The following PTPRM variants were observed in gnomAD, a reference collection of about 807,000 sequenced individuals.
PTPRM encodes the protein receptor-type tyrosine-protein phosphatase mu.
A neutral mutation model predicts 186.7 loss-of-function variants in PTPRM; 47 were observed. The ratio of observed to expected loss-of-function variants is 0.25; its 90% CI spans 0.20 to 0.32. The LOEUF (loss-of-function observed/expected upper bound fraction) is 0.32. Among genes scored for constraint, PTPRM ranks in the 10% least tolerant of loss-of-function variants. The probability of loss-of-function intolerance (pLI) is 1.00; values close to 1 mark genes in which losing one functional copy is unlikely to be tolerated. For missense variants in PTPRM, 1,494 were observed against 1,865.0 expected, an observed-to-expected ratio of 0.80 and a Z score of 3.66; for synonymous variants, 668 against 674.9, an observed-to-expected ratio of 0.99 and a Z score of 0.16.
intron 19 of PTPRM, among the ~76,000 whole-genome samples, chr18:8,266,913 C>CA (rs547249486): frequency 7.7e-4 from 113 of 145,976 alleles, no homozygotes; most frequent in South Asian, 4.4e-3. Flanking sequence ...GTCTCAAAAA[C>CA]AAAAAAAAAA....
intron 21 of PTPRM, among the ~76,000 whole-genome samples, chr18:8,317,633 G>A (rs1273670485): frequency 1.3e-5 from 2 of 152,162 alleles, no homozygotes; most frequent in Non-Finnish European, 2.9e-5. Flanking sequence ...CAATGAAATT[G>A]AGAACAAGCG....
intron 1 of PTPRM, among the ~76,000 whole-genome samples, chr18:7,728,379 G>A (rs1293557319): frequency 6.6e-6 from 1 of 152,158 alleles, no homozygotes; most frequent in Non-Finnish European, 1.5e-5. Context: ...GCAAAGAAAA[G>A]GGTCCTGCAA....
intron 1 of PTPRM, among the ~76,000 whole-genome samples, chr18:7,731,425 A>G (rs1047414932): frequency 1.3e-5 from 2 of 152,200 alleles, no homozygotes; most frequent in African/African-American, 4.8e-5. Flanking sequence ...AATTTGGAGT[A>G]CTTTCAGACA....
intron 2 of PTPRM, among the ~76,000 whole-genome samples, chr18:7,880,693 A>G (rs980084726): frequency 1.3e-5 from 2 of 152,100 alleles, no homozygotes; most frequent in African/African-American, 4.8e-5. Context: ...TAGTTCATTT[A>G]TTTCTCCACA....
chr18:8,368,679 T>G (rs1261619621), intron 23 of PTPRM, among the ~76,000 whole-genome samples: 1 of 152,196 alleles, frequency 6.6e-6, no homozygotes, highest in East Asian at 1.9e-4. Flanking sequence ...GGAACATCAG[T>G]GCACCTCAGG....
At chr18:7,688,623 A>G (rs1471752061) in intron 1 of PTPRM, among the ~76,000 whole-genome samples, 1 of 152,154 alleles carries the variant, frequency 6.6e-6, no homozygotes, top group Non-Finnish European at 1.5e-5. Flanking sequence ...GTGGAAGAAG[A>G]CTTTATGCCC....
intron 14 of PTPRM, among the ~76,000 whole-genome samples, chr18:8,198,918 C>T (rs2093815766): frequency 6.6e-6 from 1 of 152,106 alleles, no homozygotes; most frequent in African/African-American, 2.4e-5. Flanking sequence ...TATTATTGAG[C>T]AGACAAACTC....
intron 14 of PTPRM, among the ~76,000 whole-genome samples, chr18:8,178,633 A>G (rs575641569): frequency 2.8e-4 from 42 of 152,024 alleles, no homozygotes; most frequent in African/African-American, 1.0e-3. Flanking sequence ...AAAATACAAA[A>G]AAAACTAGCT....
chr18:8,239,494 A>T (rs78253097), intron 14 of PTPRM, among the ~76,000 whole-genome samples: 7,198 of 152,040 alleles, frequency 0.047, 323 homozygotes, highest in African/African-American at 0.11. Context: ...GAGCCCCCTT[A>T]AAACTAATTC....
intron 20 of PTPRM, among the ~76,000 whole-genome samples, chr18:8,304,059 C>T (rs2095192118): frequency 6.6e-6 from 1 of 152,114 alleles, no homozygotes; most frequent in Non-Finnish European, 1.5e-5. Flanking sequence ...TCCAATTTAC[C>T]TTATATATGT....
chr18:8,024,282 A>G (rs1002962430), intron 7 of PTPRM, among the ~76,000 whole-genome samples: 7 of 151,948 alleles, frequency 4.6e-5, no homozygotes, highest in East Asian at 1.9e-4. Flanking sequence ...GAAAATTTAG[A>G]TGTCACATTT....
intron 27 of PTPRM, 117 bp from the exon 28 acceptor site, chr18:8,379,050 G>T (rs9789240): frequency 9.1e-6 from 7 of 771,722 alleles, no homozygotes; most frequent in African/African-American, 1.8e-5. Context: ...GGGGAGGGAG[G>T]GGGAAGGGAC....
At chr18:8,178,693 A>G (rs1482414535) in intron 14 of PTPRM, among the ~76,000 whole-genome samples, 1 of 152,174 alleles carries the variant, frequency 6.6e-6, no homozygotes, top group African/African-American at 2.4e-5. Context: ...AAGCTAAGAC[A>G]GGAGAATCAC....
At chr18:8,310,633 G>A (rs1018456537) in intron 20 of PTPRM, among the ~76,000 whole-genome samples, 1 of 151,844 alleles carries the variant, frequency 6.6e-6, no homozygotes, top group Non-Finnish European at 1.5e-5. Flanking sequence ...TTCAGAGTAG[G>A]TCAGGACCCA....
At chr18:8,218,651 A>T (rs1431694310) in intron 14 of PTPRM, among the ~76,000 whole-genome samples, 2 of 152,126 alleles carry the variant, frequency 1.3e-5, no homozygotes, top group Non-Finnish European at 2.9e-5. Flanking sequence ...AGATTTTTTG[A>T]TTCTCAATTG....
rs1337234827 is a variant in PTPRM, at chr18:7,897,684, T to C, written c.469-8821T>C. ...TTTCATTCTTAACTTGTACTTCTTATGTGATGATAAAGGATAAGTACTTCT... is the reference window on the plus strand; with the variant it reads ...TTTCATTCTTAACTTGTACTTCTTACGTGATGATAAAGGATAAGTACTTCT... On this transcript the variant is annotated intron_variant, in intron 3 of 32. Coordinates refer to ENST00000580170, the MANE Select transcript of PTPRM (RefSeq NM_001105244.2). Among the ~76,000 whole-genome samples, 5 of 152,230 alleles carry C rather than the reference T, an allele frequency of 3.3e-5. 1 individual carries two copies. In the South Asian group the frequency reaches 8.3e-4, roughly 25 times the overall value.
At chr18:8,206,156 G>A (rs2146900535) in intron 14 of PTPRM, among the ~76,000 whole-genome samples, 2 of 152,270 alleles carry the variant, frequency 1.3e-5, no homozygotes, top group African/African-American at 4.8e-5. Context: ...CCAAGAAATG[G>A]CTATTGTAGT....
In PTPRM at chr18:7,879,127, T is replaced by C. The variant is rs894295390; in HGVS notation, c.197-8979T>C. ...GTCTAAATGACACACTGTAATACAA[T>C]TTAGTTCTCATTAAAGCTTCCCTTT... On this transcript the variant is annotated intron_variant, in intron 2 of 32. Transcript: ENST00000580170. Among the ~76,000 whole-genome samples, 3 of 152,226 alleles carry C rather than the reference T, an allele frequency of 2.0e-5. No individual in the cohort carries two copies. In the East Asian group the frequency reaches 5.8e-4, roughly 29 times the overall value.
At chr18:7,586,119 C>A (rs1413310139) in intron 1 of PTPRM, among the ~76,000 whole-genome samples, 2 of 152,200 alleles carry the variant, frequency 1.3e-5, no homozygotes, top group East Asian at 3.9e-4. Flanking sequence ...AAGGGTAGAG[C>A]TGAGATTTGA....
Sources: gnomAD v4.1 joint callset for allele counts (sites outside exome capture counted in the v4.1 genomes callset) on GRCh38, gnomAD v4.1.1 for gene constraint, MANE v1.5 for transcripts, NCBI Gene and HGNC (gene_info 2026-07-23, HGNC 2026-07-21) for gene names.